Variants in TBCD observed in about 807,000 individuals in gnomAD.
The protein encoded by TBCD is tubulin folding cofactor D, also known as tubulin-specific chaperone D.
Under a neutral mutation model 169.3 loss-of-function variants are expected in TBCD, and 105 were observed. That is an observed-to-expected ratio of 0.62 (90% CI 0.53 to 0.73). TBCD has a LOEUF of 0.73. Among genes scored for constraint, TBCD ranks in the 30% least tolerant of loss-of-function variants. The pLI is 0.00. For missense variants in TBCD, 1,444 were observed against 1,600.1 expected, an observed-to-expected ratio of 0.90 and a Z score of 1.66; for synonymous variants, 700 against 643.9, an observed-to-expected ratio of 1.09 and a Z score of -1.32.
At chr17:82,823,647 C>T (rs748226169) in intron 13 of TBCD, among the ~76,000 whole-genome samples, 1 of 151,996 alleles carries the variant, frequency 6.6e-6, no homozygotes, top group African/African-American at 2.4e-5. Context: ...GGCATCTTCT[C>T]TTACATGTGA....
In TBCD at chr17:82,940,221, G is replaced by GCGCA. The variant is rs1356825330; in HGVS notation, c.3479+746_3479+747insGCAC. On this transcript the variant is annotated intron_variant, in intron 37 of 38. Transcript: ENST00000355528. ...CACACACATGCTCACTTGCACGCGC[G>GCGCA]CACACACACACACACACACACACAC... Among the ~76,000 whole-genome samples the GCGCA allele has an allele frequency of 2.6e-3, 349 of 131,802 alleles. 1 individual carries two copies. The highest frequency in any genetic ancestry group is 8.0e-3 in the African/African-American group (316 of 39,332). The allele number at this position is 131,802 out of a possible 152,430, so 86.5% of individuals were successfully genotyped here.
At chr17:82,822,442 G>A (rs2052492909) in intron 13 of TBCD, among the ~76,000 whole-genome samples, 1 of 152,204 alleles carries the variant, frequency 6.6e-6, no homozygotes, top group Non-Finnish European at 1.5e-5. Context: ...TGAAGGAGCC[G>A]AGCAGGATGG....
rs2061880776 is a variant in TBCD, at chr17:82,927,824, A to G, written c.2610-81A>G. Reference sequence around the variant, plus strand: ...TTAGTCACGGGTGTCGAATTCACACAGGCTGCCGGCGTGGTGGGCAGAACC... The same window carrying G: ...TTAGTCACGGGTGTCGAATTCACACGGGCTGCCGGCGTGGTGGGCAGAACC... On this transcript the variant is annotated intron_variant, in intron 29 of 38. Coordinates refer to ENST00000355528, the MANE Select transcript of TBCD (RefSeq NM_005993.5). 3 of 1,280,502 alleles carry G rather than the reference A, an allele frequency of 2.3e-6. No individual in the cohort carries two copies. In the Admixed American group the frequency reaches 5.3e-5, roughly 22 times the overall value. 79.3% of individuals were successfully genotyped at this position (1,280,502 alleles called of 1,614,324 possible).
At chr17:82,876,446 A>C (rs982210806) in intron 14 of TBCD, among the ~76,000 whole-genome samples, 2 of 152,316 alleles carry the variant, frequency 1.3e-5, no homozygotes, top group Admixed American at 6.5e-5. Context: ...GCGAAGGGAA[A>C]CTGAGAGGCC....
At chr17:82,909,987 G>A (rs568246701) in intron 22 of TBCD, among the ~76,000 whole-genome samples, 1 of 152,260 alleles carries the variant, frequency 6.6e-6, no homozygotes, top group African/African-American at 2.4e-5. Flanking sequence ...TCCCCGACGT[G>A]TCTTTGAGAT....
rs1365578511 is a variant in TBCD at position 82,805,991 on chromosome 17, A to G, written c.1067A>G (p.Glu356Gly). 6.2e-7 allele frequency: 1 copy of G among 1,613,698 alleles called. No homozygotes were observed. Among genetic ancestry groups the G allele is most frequent in the African/African-American group, 1.3e-5 (1 of 75,026 alleles). Reference protein sequence around the residue: ...EDDDEDDDVPEGVERVIEQLL... With the variant: ...EDDDEDDDVPGGVERVIEQLL... ...GACGACGAAGATGACGACGTCCCAG[A>G]GGGGGTGGAGCGTGTGATAGGTGCG... The change falls in exon 10 of 39, where the codon GAG becomes GGG. Residue 356 changes from glutamate to glycine, a missense_variant. Coordinates refer to ENST00000355528, the MANE Select transcript of TBCD (RefSeq NM_005993.5).
rs537464440 is a variant in TBCD at position 82,874,470 on chromosome 17, G to T, written c.1475+4090G>T. On this transcript the variant is annotated intron_variant, in intron 14 of 38. Transcript: ENST00000355528. This position sits in a 1 kb window ranked among gnomAD's most constrained non-coding sequence, Gnocchi z 5.0. ...CGCACACCGAGCCAGCAGCTGCTGG[G>T]GCCTCAGGGCTCGCAGCTCACAGGC... 2.6e-5 allele frequency among the ~76,000 whole-genome samples: 4 copies of T among 152,110 alleles called. No homozygotes were observed. The highest frequency in any genetic ancestry group is 7.2e-5 in the African/African-American group (3 of 41,500).
intron 6 of TBCD, 57 bp downstream of exon 6, chr17:82,772,564 GT>G: frequency 6.4e-7 from 1 of 1,570,874 alleles, no homozygotes; most frequent in South Asian, 1.1e-5. Context: ...AGAGGGGTTT[GT>G]TTGGGTACGT....
rs138758538 is a variant in TBCD, at chr17:82,797,865, G to A, written c.817+63G>A. 103 of 1,251,186 alleles carry A rather than the reference G, an allele frequency of 8.2e-5. No individual in the cohort carries two copies. In the East Asian group the frequency reaches 2.0e-3, roughly 25 times the overall value. The allele number at this position is 1,251,186 out of a possible 1,614,324, so 77.5% of individuals were successfully genotyped here. A position where few individuals can be genotyped will look rare whatever the true frequency, so the allele number is the denominator to read the frequency against. On this transcript the variant is annotated intron_variant, in intron 8 of 38. Coordinates refer to ENST00000355528, the MANE Select transcript of TBCD (RefSeq NM_005993.5). ...TGAGTTTGCTCATATACAATCAAGT[G>A]TCTTTCCTTAACATTTTATTCATAG...
chr17:82,881,427 G>T (rs973086877), intron 14 of TBCD, among the ~76,000 whole-genome samples: 1 of 152,256 alleles, frequency 6.6e-6, no homozygotes, highest in African/African-American at 2.4e-5. Context: ...CCCGGAACGT[G>T]GGTCTGGGCT....
chr17:82,775,325 G>A (rs956595089), intron 6 of TBCD, among the ~76,000 whole-genome samples: 3 of 152,200 alleles, frequency 2.0e-5, no homozygotes, highest in Admixed American at 6.5e-5. Flanking sequence ...TGAGAATGGC[G>A]GATGCCGTCA....
At position 82,884,604 on chromosome 17, in the gene TBCD, G is replaced by T. The variant is rs989701527; in HGVS notation, c.1533+402G>T. Among the ~76,000 whole-genome samples the T allele has an allele frequency of 8.9e-4, 135 of 152,300 alleles. No homozygotes were observed. Among genetic ancestry groups the T allele is most frequent in the African/African-American group, 3.1e-3 (129 of 41,556 alleles). On this transcript the variant is annotated intron_variant, in intron 15 of 38. Transcript: ENST00000355528. This position sits in a 1 kb window ranked among gnomAD's most constrained non-coding sequence, Gnocchi z 4.2. The stretch of plus-strand genomic sequence containing the variant: ...GTGGCTTTGAGCCTCGGGAGGGGCT[G>T]TTGCGAGCAGTGGTCAGCTCTGCTT...
chr17:82,779,704 A>T (rs931504769), intron 6 of TBCD, among the ~76,000 whole-genome samples: 4 of 152,048 alleles, frequency 2.6e-5, no homozygotes, highest in African/African-American at 9.7e-5. Flanking sequence ...GGCCAACTAG[A>T]TGGATGTGCT....
At position 82,889,891 on chromosome 17, in the gene TBCD, C is replaced by G. The variant is rs944863071; in HGVS notation, c.1563+194C>G. On this transcript the variant is annotated intron_variant, in intron 16 of 38. Coordinates refer to ENST00000355528, the MANE Select transcript of TBCD (RefSeq NM_005993.5). The surrounding 1 kb of genome is among the most constrained non-coding windows in gnomAD (Gnocchi z 5.3). ...CTGTTTCACAGGGAACCTGCATGTA[C>G]AGTAATTTACACACACAGGCCGGAA... Among the ~76,000 whole-genome samples, 1 of 152,214 alleles carries G rather than the reference C, an allele frequency of 6.6e-6. No homozygotes were observed. Among genetic ancestry groups the G allele is most frequent in the African/African-American group, 2.4e-5 (1 of 41,450 alleles).
intron 17 of TBCD, among the ~76,000 whole-genome samples, chr17:82,895,244 G>T (rs1216700170): frequency 6.6e-6 from 1 of 152,260 alleles, no homozygotes; most frequent in Non-Finnish European, 1.5e-5. Context: ...CGGCAGGCAG[G>T]CCCCTCCAAT....
chr17:82,858,762 T>G, intron 13 of TBCD: 12 of 608,944 alleles, frequency 2.0e-5, no homozygotes, highest in Middle Eastern at 8.3e-4. Flanking sequence ...CCTGTCGGTG[T>G]GAACGGGCCC....
intron 14 of TBCD, among the ~76,000 whole-genome samples, chr17:82,877,957 A>G (rs536222241): frequency 1.3e-5 from 2 of 152,360 alleles, no homozygotes; most frequent in South Asian, 2.1e-4. Context: ...TTTCCCAGAT[A>G]CTAATCCTGG....
At chr17:82,758,188 A>C (rs1167303896) in intron 2 of TBCD, among the ~76,000 whole-genome samples, 1 of 151,726 alleles carries the variant, frequency 6.6e-6, no homozygotes, top group Non-Finnish European at 1.5e-5. Flanking sequence ...CAGGAGTTTG[A>C]GACCAGCCTG....
At chr17:82,752,450 C>A in intron 1 of TBCD, 73 bp downstream of exon 1, 2 of 1,128,236 alleles carry the variant, frequency 1.8e-6, no homozygotes, top group Non-Finnish European at 2.2e-6. Flanking sequence ...CTTTACCGGG[C>A]GGGGACCGCA....
Sources: gnomAD v4.1 joint callset for allele counts (sites outside exome capture counted in the v4.1 genomes callset) on GRCh38, gnomAD v4.1.1 for gene constraint, Gnocchi (gnomAD v3.1) non-coding constraint, MANE v1.5 for transcripts, NCBI Gene and HGNC (gene_info 2026-07-23, HGNC 2026-07-21) for gene names.